CBLB: variants seen among roughly 807,000 people sequenced by gnomAD.
The protein encoded by CBLB is Cbl proto-oncogene B, also known as E3 ubiquitin-protein ligase CBL-B.
A neutral mutation model predicts 104.9 loss-of-function variants in CBLB; 31 were observed. The ratio of observed to expected loss-of-function variants is 0.30; its 90% confidence interval spans 0.22 to 0.40. CBLB has a LOEUF of 0.40. CBLB is among the 10% of genes least tolerant of loss of function. The pLI is 1.00. For synonymous variants in CBLB, 440 were observed against 422.6 expected (o/e 1.04, Z -0.51); for missense variants, 1,062 against 1,214.6 (o/e 0.87, Z 1.87).
At chr3:105,766,371 C>G (rs1490241232) in intron 4 of CBLB, among the ~76,000 whole-genome samples, 1 of 152,126 alleles carries the variant, frequency 6.6e-6, no homozygotes, top group Non-Finnish European at 1.5e-5. Flanking sequence ...TTTGAGAGGA[C>G]TGACTCCAAT....
chr3:105,715,650 C>A (rs2071746666), intron 10 of CBLB, among the ~76,000 whole-genome samples: 1 of 152,090 alleles, frequency 6.6e-6, no homozygotes, highest in South Asian at 2.1e-4. Flanking sequence ...GATGAGTATT[C>A]AAAATGGCAG....
rs116610609 is a variant in CBLB at position 105,719,626 on chromosome 3, A to G, written c.1407+421T>C. Among the ~76,000 whole-genome samples the G allele has an allele frequency of 3.4e-3, 520 of 152,362 alleles. 4 individuals carry two copies. Among genetic ancestry groups the G allele is most frequent in the African/African-American group, 0.012 (500 of 41,572 alleles). ...AGCTGGTTGCATAAAAGTATAGCAC[A>G]TATACTTGTGTACAGTACATAATAT... On this transcript the variant is annotated intron_variant, in intron 10 of 18. Coordinates refer to ENST00000394030, the MANE Select transcript of CBLB (RefSeq NM_170662.5).
chr3:105,815,995 T>C (rs547319197), intron 3 of CBLB, among the ~76,000 whole-genome samples: 4 of 151,562 alleles, frequency 2.6e-5, no homozygotes, highest in Admixed American at 1.3e-4. Flanking sequence ...TAAGTGGGAG[T>C]TGAACAATGA....
chr3:105,728,125 C>G (rs1011315436), intron 9 of CBLB, among the ~76,000 whole-genome samples: 1 of 152,104 alleles, frequency 6.6e-6, no homozygotes, highest in African/African-American at 2.4e-5. Flanking sequence ...CTATAAATTA[C>G]TTTGGGCATT....
chr3:105,740,862 T>C (rs1283199450), intron 6 of CBLB, among the ~76,000 whole-genome samples: 8 of 152,196 alleles, frequency 5.3e-5, no homozygotes, highest in African/African-American at 1.4e-4. Context: ...GATACATATA[T>C]AAGAAAATAA....
At chr3:105,719,978 T>C in intron 10 of CBLB, 69 bp downstream of exon 10, 1 of 1,169,604 alleles carries the variant, frequency 8.5e-7, no homozygotes, top group Non-Finnish European at 1.3e-6. Flanking sequence ...TCATACTCCA[T>C]TTATGACGGC....
In CBLB at chr3:105,836,942, T is replaced by C. The variant is rs577516901; in HGVS notation, c.419+16472A>G. Reference sequence around the variant, plus strand: ...TCTCAGATGTCCCTCAAAGCTGATATGCTCACATCAAAACAAAACAAGACC... The same window carrying C: ...TCTCAGATGTCCCTCAAAGCTGATACGCTCACATCAAAACAAAACAAGACC... On this transcript the variant is annotated intron_variant, in intron 3 of 18. Transcript: ENST00000394030. Among the ~76,000 whole-genome samples the C allele has an allele frequency of 9.7e-5, 14 of 144,392 alleles. No individual in the cohort carries two copies. In the South Asian group the frequency reaches 3.2e-3, roughly 33 times the overall value. 94.7% of individuals were successfully genotyped at this position (144,392 alleles called of 152,430 possible).
intron 2 of CBLB, among the ~76,000 whole-genome samples, chr3:105,855,545 A>T (rs2091491912): frequency 6.6e-6 from 1 of 152,224 alleles, no homozygotes; most frequent in Non-Finnish European, 1.5e-5. Context: ...TTAAATCTGT[A>T]ATAGAACTTT....
chr3:105,702,246 G>T lies in CBLB; in HGVS notation c.1807C>A (p.Gln603Lys), dbSNP rs768638264. 47 of 1,613,950 alleles carry T rather than the reference G, an allele frequency of 2.9e-5. No homozygotes were observed. In the East Asian group the frequency reaches 1.0e-3, roughly 34 times the overall value. Residue 603 changes from glutamine (Q) to lysine (K), a missense_variant, in exon 12 of 19, where the codon CAG becomes AAG. Transcript: ENST00000394030. The part of the protein sequence containing the change: ...WCPRDVFGTN[Q>K]LVGCRLLGEG... ...CCTAGGAGTCGACATCCCACAAGCT[G>T]ATTAGTCCCAAACACATCCCGAGGG...
chr3:105,742,837 A>G (rs969702864), intron 6 of CBLB, among the ~76,000 whole-genome samples: 4 of 152,204 alleles, frequency 2.6e-5, no homozygotes, highest in African/African-American at 9.6e-5. Context: ...GTAAGAATCT[A>G]GTAGATACTG....
Position 105,665,440 on chromosome 3 carries a change from TATAC to T in CBLB, c.2689+4789_2689+4792del, listed in dbSNP as rs1165253078. On this transcript the variant is annotated intron_variant, in intron 18 of 18. Transcript: ENST00000394030. The stretch of plus-strand genomic sequence containing the variant: ...AAATATATATATATATATATATATA[TATAC>T]ACACACACACACATATATATACACA... Among the ~76,000 whole-genome samples, 258 of 70,854 alleles carry T rather than the reference TATAC, an allele frequency of 3.6e-3. 1 individual carries two copies. The highest frequency in any genetic ancestry group is 0.016 in the East Asian group (38 of 2,320). 46.5% of individuals were successfully genotyped at this position (70,854 alleles called of 152,430 possible). A position where few individuals can be genotyped will look rare whatever the true frequency, so the allele number is the denominator to read the frequency against.
At position 105,751,571 on chromosome 3, in the gene CBLB, T is replaced by A; in HGVS notation, c.614A>T (p.His205Leu). The change falls in exon 5 of 19, where the codon CAC becomes CTC. Residue 205 changes from histidine to leucine, a missense_variant. By Grantham distance (99) the His-to-Leu change is moderately conservative. This residue lies in a region of CBLB where 457 missense variants were observed against 632.0 expected (regional missense o/e 0.72). Transcript: ENST00000394030. ...TGCTTCCAGGCCAGAGCTAATCTGG[T>A]GGACCTCATGAAGGCACTGTCTGAA... ...KVFRQCLHEV[H>L]QISSGLEAMA... 1 of 1,612,530 alleles carries A rather than the reference T, an allele frequency of 6.2e-7. No homozygotes were observed. Among genetic ancestry groups the A allele is most frequent in the Non-Finnish European group, 8.5e-7 (1 of 1,178,578 alleles).
chr3:105,695,083 C>T (rs567540596), intron 12 of CBLB, among the ~76,000 whole-genome samples: 3 of 151,894 alleles, frequency 2.0e-5, no homozygotes, highest in East Asian at 1.9e-4. Context: ...CAGGAATAGA[C>T]ACAATGTAAG....
At position 105,773,241 on chromosome 3, in the gene CBLB, T is replaced by C. The variant is rs528945611; in HGVS notation, c.566+3155A>G. Reference sequence around the variant, plus strand: ...ATGAAATAATGTCTTTTGCAGCAACTTGGATGGAGCTAGAAACCATTATTC... The same window carrying C: ...ATGAAATAATGTCTTTTGCAGCAACCTGGATGGAGCTAGAAACCATTATTC... On this transcript the variant is annotated intron_variant, in intron 4 of 18. Transcript: ENST00000394030. Among the ~76,000 whole-genome samples, 12 of 152,258 alleles carry C rather than the reference T, an allele frequency of 7.9e-5. No homozygotes were observed. The South Asian group carries it at 1.9e-3, about 24-fold the overall frequency.
chr3:105,865,245 TA>T (rs886847459), intron 2 of CBLB, among the ~76,000 whole-genome samples: 7 of 152,218 alleles, frequency 4.6e-5, no homozygotes, highest in African/African-American at 1.7e-4. Flanking sequence ...TGCCAATTAG[TA>T]ATTATCAATG....
chr3:105,772,955 C>G (rs1261484390), intron 4 of CBLB, among the ~76,000 whole-genome samples: 4 of 152,144 alleles, frequency 2.6e-5, no homozygotes, highest in African/African-American at 9.7e-5. Flanking sequence ...GAATTAGTAA[C>G]AACCACTATG....
chr3:105,801,364 A>AT (rs1244795527), intron 3 of CBLB, among the ~76,000 whole-genome samples: 5 of 152,186 alleles, frequency 3.3e-5, no homozygotes, highest in African/African-American at 1.2e-4. Context: ...AGAAAAGCAT[A>AT]TTTTTAATAT....
chr3:105,767,124 T>C (rs766652869), intron 4 of CBLB, among the ~76,000 whole-genome samples: 3 of 152,208 alleles, frequency 2.0e-5, no homozygotes, highest in South Asian at 2.1e-4. Context: ...AGCTAACTAG[T>C]AGAAATATTA....
chr3:105,685,317 T>C lies in CBLB; in HGVS notation c.2201+3A>G, dbSNP rs753933856. 1.9e-6 allele frequency: 3 copies of C among 1,613,632 alleles called. No individual in the cohort carries two copies. In the East Asian group the frequency reaches 6.7e-5, roughly 36 times the overall value. On this transcript the variant is annotated splice_donor_region_variant and intron_variant, in intron 14 of 18. Transcript: ENST00000394030. ...AGTGGCAAAAATCTGCCCATACTCT[T>C]ACCGAACAGGAGGTTTTACATTATG...
Sources: gnomAD v4.1 joint callset for allele counts (sites outside exome capture counted in the v4.1 genomes callset) on GRCh38, gnomAD v4.1.1 for gene constraint, gnomAD v4.1.1 regional missense constraint, MANE v1.5 for transcripts, NCBI Gene and HGNC (gene_info 2026-07-23, HGNC 2026-07-21) for gene names.